Variants in NR4A3 observed in about 807,000 individuals in gnomAD.
The protein encoded by NR4A3 is chondrosarcoma, extraskeletal myxoid, fused to EWS.
In NR4A3, 13 loss-of-function variants were observed where a neutral mutation model predicts 55.6. The ratio of observed to expected loss-of-function variants is 0.23; its 90% CI spans 0.15 to 0.37. The LOEUF (loss-of-function observed/expected upper bound fraction) is 0.37. NR4A3 is among the 10% of genes least tolerant of loss of function. The probability of loss-of-function intolerance (pLI) is 1.00; values close to 1 mark genes in which losing one functional copy is unlikely to be tolerated. For synonymous variants in NR4A3, 342 were observed against 357.9 expected (o/e 0.96, Z 0.50); for missense variants, 646 against 822.8 (o/e 0.79, Z 2.63).
chr9:99,832,849 C>T (rs576270323), intron 4 of NR4A3, 31 bp downstream of exon 4: 13 of 1,431,668 alleles, frequency 9.1e-6, no homozygotes, highest in Non-Finnish European at 1.2e-5. Context: ...ACCCAGTTTG[C>T]TTATACATAT....
intron 7 of NR4A3, among the ~76,000 whole-genome samples, chr9:99,851,604 G>A (rs200206939): frequency 6.6e-6 from 1 of 151,954 alleles, no homozygotes. Flanking sequence ...GAAAAACTAG[G>A]CGGTGAAGTG....
chr9:99,841,003 C>G (rs545426793), intron 5 of NR4A3, among the ~76,000 whole-genome samples: 25 of 152,090 alleles, frequency 1.6e-4, no homozygotes, highest in Non-Finnish European at 3.2e-4. Context: ...GAGGCCAAGG[C>G]AGGTGGATCA....
intron 3 of NR4A3, among the ~76,000 whole-genome samples, chr9:99,832,328 G>T (rs1827460230): frequency 6.6e-6 from 1 of 152,208 alleles, no homozygotes; most frequent in South Asian, 2.1e-4. Flanking sequence ...ATTTTAATAA[G>T]GTCAGCAATA....
rs1438792346 is a variant in NR4A3 at position 99,862,569 on chromosome 9, AAAAAAAAAAAAAAAG to A, written c.1634-1049_1634-1035del. On this transcript the variant is annotated intron_variant, in intron 7 of 7. Transcript: ENST00000395097. ...TGTCTCAAAAAAAAAAAAAAAAAAAAAAAAAAAAAAAAAAGAGAGAGAAATGAGGCTCTGAAGTCT... is the reference window on the plus strand; with the variant it reads ...TGTCTCAAAAAAAAAAAAAAAAAAAAAGAGAGAAATGAGGCTCTGAAGTCT... Among the ~76,000 whole-genome samples, 85 of 127,548 alleles carry A rather than the reference AAAAAAAAAAAAAAAG, an allele frequency of 6.7e-4. 1 individual carries two copies. The highest frequency in any genetic ancestry group is 2.0e-3 in the African/African-American group (72 of 35,456). 83.7% of individuals were successfully genotyped at this position (127,548 alleles called of 152,430 possible).
chr9:99,837,754 A>G (rs1564032997), intron 5 of NR4A3, among the ~76,000 whole-genome samples: 2 of 152,196 alleles, frequency 1.3e-5, no homozygotes, highest in South Asian at 4.1e-4. Flanking sequence ...TTTGAGCCCT[A>G]CAATTTATTA....
At chr9:99,829,225 G>A (rs1401399121) in intron 3 of NR4A3, among the ~76,000 whole-genome samples, 1 of 152,178 alleles carries the variant, frequency 6.6e-6, no homozygotes, top group Non-Finnish European at 1.5e-5. Context: ...GAACCTCCTG[G>A]CCTGACACTG....
intron 2 of NR4A3, 125 bp from the exon 3 acceptor site, chr9:99,827,913 CAGA>C (rs1318289904): frequency 3.5e-6 from 4 of 1,143,204 alleles, no homozygotes; most frequent in Non-Finnish European, 5.0e-6. Flanking sequence ...TCTATGCTAC[CAGA>C]AGGAGGAGAG....
chr9:99,857,382 C>T (rs1242343430), intron 7 of NR4A3, among the ~76,000 whole-genome samples: 1 of 152,104 alleles, frequency 6.6e-6, no homozygotes, highest in African/African-American at 2.4e-5. Flanking sequence ...GGCATGGTTC[C>T]AAATACTTGA....
chr9:99,853,343 T>C (rs1230720731), intron 7 of NR4A3, among the ~76,000 whole-genome samples: 1 of 147,108 alleles, frequency 6.8e-6, no homozygotes, highest in Admixed American at 6.7e-5. Context: ...TTTTTTTTAT[T>C]ATACTCTAAG....
chr9:99,834,062 G>A, intron 5 of NR4A3: 1 of 1,044,860 alleles, frequency 9.6e-7, no homozygotes, highest in Non-Finnish European at 1.2e-6. Context: ...ACCTCAGAGG[G>A]GTGTTCTGAA....
Position 99,822,114 on chromosome 9 carries a change from C to T in NR4A3, c.-470C>T, listed in dbSNP as rs1029785277. 6.5e-6 allele frequency: 1 copy of T among 152,898 alleles called. No homozygotes were observed. The highest frequency in any genetic ancestry group is 1.5e-5 in the Non-Finnish European group (1 of 68,234). 9.5% of individuals were successfully genotyped at this position (152,898 alleles called of 1,614,324 possible). A position where few individuals can be genotyped will look rare whatever the true frequency, so the allele number is the denominator to read the frequency against. ...GCGGCGCCGCAGCTGGACGCCCCTC[C>T]CGGGCTCACTTTGCAACGCTGACGG... On this transcript the variant is annotated 5_prime_UTR_variant, in exon 1 of 8. Coordinates refer to ENST00000395097, the MANE Select transcript of NR4A3 (RefSeq NM_006981.4). The surrounding 1 kb of genome is among the most constrained non-coding windows in gnomAD (Gnocchi z 4.9).
rs199797073 is a variant in NR4A3 at position 99,828,345 on chromosome 9, C to T, written c.303C>T (p.His101=). The T allele has an allele frequency of 6.2e-7, 1 of 1,602,714 alleles. No homozygotes were observed. The highest frequency in any genetic ancestry group is 1.3e-5 in the African/African-American group (1 of 74,914). ...GCTACCATCACCATCACCACCACCA[C>T]CACCACCACCACCACCATCACCAGC... is the stretch of plus-strand genomic sequence containing the variant. ...APSYHHHHHH[H]HHHHHHHQQQ... Residue 101 remains histidine, a synonymous_variant, in exon 3 of 8, where the codon CAC becomes CAT. Transcript: ENST00000395097. The surrounding 1 kb of genome is among the most constrained non-coding windows in gnomAD (Gnocchi z 7.7).
intron 7 of NR4A3, among the ~76,000 whole-genome samples, chr9:99,849,566 C>T (rs1490046888): frequency 5.9e-5 from 9 of 152,152 alleles, no homozygotes; most frequent in Non-Finnish European, 1.5e-5. Flanking sequence ...TGAACTAAAG[C>T]TCTTTAGTTC....
chr9:99,855,730 C>T (rs1827918325), intron 7 of NR4A3, among the ~76,000 whole-genome samples: 1 of 152,174 alleles, frequency 6.6e-6, no homozygotes, highest in Non-Finnish European at 1.5e-5. Flanking sequence ...GGTGAATTCC[C>T]AGAGAAAGGG....
intron 7 of NR4A3, among the ~76,000 whole-genome samples, chr9:99,859,505 CAA>C (rs1827976453): frequency 6.6e-6 from 1 of 152,154 alleles, no homozygotes. Flanking sequence ...AGTGGCTGTT[CAA>C]AACAACAAAG....
In NR4A3 at chr9:99,825,076, A is replaced by G. The variant is rs966840765; in HGVS notation, c.-176-583A>G. Among the ~76,000 whole-genome samples the G allele has an allele frequency of 6.6e-6, 1 of 152,178 alleles. No individual in the cohort carries two copies. The highest frequency in any genetic ancestry group is 1.9e-4 in the East Asian group (1 of 5,194). On this transcript the variant is annotated intron_variant, in intron 1 of 7. Transcript: ENST00000395097. This position sits in a 1 kb window ranked among gnomAD's most constrained non-coding sequence, Gnocchi z 5.0. ...CTGGCCCTCGAAACTCGCGGCTAAT[A>G]GAAGCGAAGCTCCATTAGCATTTAG... is the stretch of plus-strand genomic sequence containing the variant.
chr9:99,852,873 A>G (rs1827874255), intron 7 of NR4A3, among the ~76,000 whole-genome samples: 1 of 152,244 alleles, frequency 6.6e-6, no homozygotes, highest in Non-Finnish European at 1.5e-5. Context: ...TCCACTGCTC[A>G]CTGTAAATGG....
In NR4A3 at chr9:99,865,406, A is replaced by G. The variant is rs574493884; in HGVS notation, c.*1539A>G. The G allele has an allele frequency of 1.3e-4, 24 of 180,138 alleles. No homozygotes were observed. The highest frequency in any genetic ancestry group is 2.5e-4 in the Non-Finnish European group (21 of 84,078). The allele number at this position is 180,138 out of a possible 1,614,324, so 11.2% of individuals were successfully genotyped here. On this transcript the variant is annotated 3_prime_UTR_variant, in exon 8 of 8. Coordinates refer to ENST00000395097, the MANE Select transcript of NR4A3 (RefSeq NM_006981.4). This position sits in a 1 kb window ranked among gnomAD's most constrained non-coding sequence, Gnocchi z 4.3. ...ATGTCACTTCCCATGCCGTTATTTT[A>G]TGGTTCATTTGCAGTGACTTTTAAG...
chr9:99,862,769 T>C (rs531824352), intron 7 of NR4A3, among the ~76,000 whole-genome samples: 5 of 152,164 alleles, frequency 3.3e-5, no homozygotes, highest in African/African-American at 1.2e-4. Context: ...ATACATAAGA[T>C]AGATCATAGT....
Sources: gnomAD v4.1 joint callset for allele counts (sites outside exome capture counted in the v4.1 genomes callset) on GRCh38, gnomAD v4.1.1 for gene constraint, Gnocchi (gnomAD v3.1) non-coding constraint, MANE v1.5 for transcripts, NCBI Gene and HGNC (gene_info 2026-07-23, HGNC 2026-07-21) for gene names.